The following PBRM1 variants were observed in gnomAD, a reference collection of about 807,000 sequenced individuals.
The protein encoded by PBRM1 is polybromo 1.
In PBRM1, 27 loss-of-function variants were observed where a neutral mutation model predicts 194.5. That is an observed-to-expected ratio of 0.14 (90% CI 0.10 to 0.19). PBRM1 has a LOEUF of 0.19. Ranked by LOEUF, PBRM1 falls within the 10% of genes least tolerant of loss-of-function variation. The probability of loss-of-function intolerance (pLI) is 1.00; values close to 1 mark genes in which losing one functional copy is unlikely to be tolerated. For missense variants in PBRM1, 1,466 were observed against 2,077.2 expected, an observed-to-expected ratio of 0.71 and a Z score of 5.72; for synonymous variants, 655 against 693.2, an observed-to-expected ratio of 0.94 and a Z score of 0.87.
At chr3:52,569,494 G>C (rs1233136750) in intron 22 of PBRM1, among the ~76,000 whole-genome samples, 2 of 152,194 alleles carry the variant, frequency 1.3e-5, no homozygotes, top group Admixed American at 1.3e-4. Context: ...ACAGGCATGA[G>C]CCACCGCGCC....
At chr3:52,549,682 A>G (rs1390320916) in intron 29 of PBRM1, among the ~76,000 whole-genome samples, 5 of 152,096 alleles carry the variant, frequency 3.3e-5, no homozygotes, top group Non-Finnish European at 5.9e-5. Context: ...AGGTGAATAG[A>G]TCACCTGAGG....
At chr3:52,634,555 G>T in intron 11 of PBRM1, 47 bp downstream of exon 12, 2 of 1,237,314 alleles carry the variant, frequency 1.6e-6, no homozygotes, top group Non-Finnish European at 2.4e-6. Context: ...TGCAGGCTCA[G>T]CCACAACAAA....
chr3:52,580,516 G>T (rs1487886201), intron 20 of PBRM1, among the ~76,000 whole-genome samples: 1 of 151,958 alleles, frequency 6.6e-6, no homozygotes, highest in Non-Finnish European at 1.5e-5. Flanking sequence ...CCGCTACCAT[G>T]CCCAGCTAAT....
At position 52,609,623 on chromosome 3, in the gene PBRM1, G is replaced by A. The variant is rs2153421372; in HGVS notation, c.2257C>T (p.His753Tyr). ...CTGCGTGTTTCAAGCAGGACTTTGTGTAGAACAAGAGCATCTTTGTAGATC... is the reference window on the plus strand; with the variant it reads ...CTGCGTGTTTCAAGCAGGACTTTGTATAGAACAAGAGCATCTTTGTAGATC... Residue 753 changes from histidine (H) to tyrosine (Y), a missense_variant, in exon 16 of 30, where the codon CAC becomes TAC. Physicochemically the swap from His to Tyr is moderately conservative, Grantham distance 83 (BLOSUM62 2). Coordinates refer to ENST00000296302, the Ensembl canonical transcript of PBRM1. This position sits in a 1 kb window ranked among gnomAD's most constrained non-coding sequence, Gnocchi z 4.1. 1.2e-6 allele frequency: 2 copies of A among 1,613,298 alleles called. No homozygotes were observed. Among genetic ancestry groups the A allele is most frequent in the Non-Finnish European group, 8.5e-7 (1 of 1,179,594 alleles).
chr3:52,665,906 T>C (rs1458754795), intron 3 of PBRM1, among the ~76,000 whole-genome samples: 2 of 152,210 alleles, frequency 1.3e-5, no homozygotes, highest in African/African-American at 4.8e-5. Context: ...AGAGTTGAAT[T>C]ATTCTAAAGT....
chr3:52,666,191 T>C (rs1305778827), intron 3 of PBRM1, among the ~76,000 whole-genome samples: 1 of 152,166 alleles, frequency 6.6e-6, no homozygotes, highest in Non-Finnish European at 1.5e-5. Flanking sequence ...TGAGGTGGGA[T>C]GACTGCTTAA....
chr3:52,559,342 T>C (rs1175109012), intron 25 of PBRM1, among the ~76,000 whole-genome samples: 1 of 152,174 alleles, frequency 6.6e-6, no homozygotes, highest in African/African-American at 2.4e-5. Context: ...AATGATCATG[T>C]TTCCAGTCTT....
chr3:52,611,549 A>G (rs1182933437), intron 15 of PBRM1, among the ~76,000 whole-genome samples: 1 of 152,236 alleles, frequency 6.6e-6, no homozygotes, highest in Non-Finnish European at 1.5e-5. Context: ...CATGCCTGCA[A>G]TACTAGTACT....
intron 26 of PBRM1, among the ~76,000 whole-genome samples, chr3:52,555,339 C>T (rs2081989483): frequency 6.6e-6 from 1 of 152,114 alleles, no homozygotes; most frequent in African/African-American, 2.4e-5. Flanking sequence ...GGGAAATGAG[C>T]GCATAGTCCT....
intron 20 of PBRM1, among the ~76,000 whole-genome samples, chr3:52,580,903 T>C (rs2090997468): frequency 6.6e-6 from 1 of 152,212 alleles, no homozygotes; most frequent in African/African-American, 2.4e-5. Context: ...TGTTGTTTTA[T>C]AGTCCTGACT....
intron 18 of PBRM1, 55 bp downstream of exon 20, chr3:52,589,015 A>T: frequency 7.7e-7 from 1 of 1,291,982 alleles, no homozygotes; most frequent in Non-Finnish European, 1.1e-6. Flanking sequence ...AGGAGCAAGG[A>T]GAAGTCAAAC....
exon 21 of PBRM1, chr3:52,579,157 C>T: frequency 6.2e-7 from 1 of 1,614,084 alleles, no homozygotes. Context: ...TAGTGGCAAC[C>T]TGGTTCACCA....
chr3:52,611,496 G>C (rs1341133637), intron 15 of PBRM1, among the ~76,000 whole-genome samples: 1 of 152,066 alleles, frequency 6.6e-6, no homozygotes, highest in East Asian at 1.9e-4. Context: ...AAAGGACAGA[G>C]GAACACATGA....
chr3:52,636,269 G>A (rs567386788), intron 10 of PBRM1, among the ~76,000 whole-genome samples: 1 of 152,040 alleles, frequency 6.6e-6, no homozygotes, highest in Non-Finnish European at 1.5e-5. Context: ...CTTGCTGAGG[G>A]AATTTTTAGG....
chr3:52,609,384 A>G lies in PBRM1; in HGVS notation c.2496T>C (p.Asn832=). 6.2e-7 allele frequency: 1 copy of G among 1,613,942 alleles called. No individual in the cohort carries two copies. The highest frequency in any genetic ancestry group is 2.2e-5 in the East Asian group (1 of 44,884). ...GAAATAAATCAAGCCGACGGTAGCG[A>G]TTATTTTCAACATTCTTCCTAATTA... The change falls in exon 16 of 30, where the codon AAT becomes AAC. Residue 832 remains asparagine, a synonymous_variant. Transcript: ENST00000296302. This position sits in a 1 kb window ranked among gnomAD's most constrained non-coding sequence, Gnocchi z 4.1.
chr3:52,581,580 A>G (rs959209538), intron 20 of PBRM1, among the ~76,000 whole-genome samples: 1 of 151,964 alleles, frequency 6.6e-6, no homozygotes, highest in Non-Finnish European at 1.5e-5. Context: ...AGCTGTGAAT[A>G]AAACAACCCA....
chr3:52,635,305 G>A (rs1577187385), intron 10 of PBRM1, among the ~76,000 whole-genome samples: 1 of 152,086 alleles, frequency 6.6e-6, no homozygotes, highest in Non-Finnish European at 1.5e-5. Flanking sequence ...GATGGCTCAC[G>A]CCTGTAATCC....
intron 13 of PBRM1, 141 bp downstream of exon 15, chr3:52,624,756 T>C: frequency 1.6e-6 from 1 of 633,540 alleles, no homozygotes; most frequent in Non-Finnish European, 2.8e-6. Flanking sequence ...TACTGCTTTC[T>C]TTATTCATAA....
At position 52,643,408 on chromosome 3, in the gene PBRM1, A is replaced by C. The variant is rs1486256932; in HGVS notation, c.900-65T>G. ...CTGAAATTAGAGTGCTGGGTAAACA[A>C]ACACACACACAACCATTTTCTTCTC... is the stretch of plus-strand genomic sequence containing the variant. On this transcript the variant is annotated intron_variant, in intron 8 of 29. Coordinates refer to ENST00000296302, the Ensembl canonical transcript of PBRM1. 7 of 953,692 alleles carry C rather than the reference A, an allele frequency of 7.3e-6. No homozygotes were observed. The Admixed American group carries it at 1.1e-4, about 14-fold the overall frequency. The allele number at this position is 953,692 out of a possible 1,614,324, so 59.1% of individuals were successfully genotyped here. A position where few individuals can be genotyped will look rare whatever the true frequency, so the allele number is the denominator to read the frequency against.
Sources: gnomAD v4.1 joint callset for allele counts (sites outside exome capture counted in the v4.1 genomes callset) on GRCh38, gnomAD v4.1.1 for gene constraint, Gnocchi (gnomAD v3.1) non-coding constraint, MANE v1.5 for transcripts, NCBI Gene and HGNC (gene_info 2026-07-23, HGNC 2026-07-21) for gene names.